Variants in RBMS3 observed in about 807,000 individuals in gnomAD.
RBMS3 encodes RNA binding motif single stranded interacting protein 3, also known as RNA-binding motif, single-stranded-interacting protein 3.
A neutral mutation model predicts 66.8 loss-of-function variants in RBMS3; 27 were observed. The observed-to-expected ratio is 0.40, with a 90% CI of 0.30 to 0.56. The LOEUF is 0.56. RBMS3 is among the 20% of genes least tolerant of loss of function. The pLI, the probability that RBMS3 is intolerant of heterozygous loss-of-function variation, is 0.40. For synonymous variants in RBMS3, 188 were observed against 183.0 expected, an observed-to-expected ratio of 1.03 and a Z score of -0.22; for missense variants, 513 against 549.5, an observed-to-expected ratio of 0.93 and a Z score of 0.66.
At chr3:29,503,353 T>C (rs925573617) in intron 3 of RBMS3, among the ~76,000 whole-genome samples, 1 of 152,142 alleles carries the variant, frequency 6.6e-6, no homozygotes, top group Admixed American at 6.6e-5. Flanking sequence ...TTGTCATTCA[T>C]TCCCTTCTGT....
chr3:29,441,263 G>T (rs2041610553), intron 2 of RBMS3, among the ~76,000 whole-genome samples: 1 of 152,118 alleles, frequency 6.6e-6, no homozygotes, highest in South Asian at 2.1e-4. Context: ...AATGGGTTAC[G>T]TATATTCATT....
At chr3:29,659,567 C>T (rs980505805) in intron 4 of RBMS3, among the ~76,000 whole-genome samples, 2 of 152,136 alleles carry the variant, frequency 1.3e-5, no homozygotes, top group Non-Finnish European at 2.9e-5. Flanking sequence ...GAATTTTCTT[C>T]CTATGGTTGA....
intron 8 of RBMS3, among the ~76,000 whole-genome samples, chr3:29,891,113 G>T (rs1323015363): frequency 6.6e-6 from 1 of 151,554 alleles, no homozygotes; most frequent in African/African-American, 2.4e-5. Flanking sequence ...CTGAGTTGTA[G>T]CTAGTAGGTT....
At chr3:29,995,367 C>A (rs1699153651) in intron 14 of RBMS3, among the ~76,000 whole-genome samples, 1 of 152,170 alleles carries the variant, frequency 6.6e-6, no homozygotes, top group Non-Finnish European at 1.5e-5. Flanking sequence ...AGAACTTCCC[C>A]CATCTAGCAA....
chr3:29,966,255 T>C (rs1577269218), intron 12 of RBMS3, among the ~76,000 whole-genome samples: 1 of 152,196 alleles, frequency 6.6e-6, no homozygotes. Context: ...GTGAAAATGA[T>C]GGTGGTATTC....
intron 4 of RBMS3, among the ~76,000 whole-genome samples, chr3:29,711,238 G>A (rs2053152024): frequency 6.6e-6 from 1 of 152,156 alleles, no homozygotes; most frequent in Admixed American, 6.5e-5. Flanking sequence ...TTATTGTACT[G>A]TACCTTAGGT....
chr3:29,658,708 G>A (rs1321536193), intron 4 of RBMS3, among the ~76,000 whole-genome samples: 1 of 152,214 alleles, frequency 6.6e-6, no homozygotes, highest in East Asian at 1.9e-4. Flanking sequence ...AATTATTATG[G>A]CCTAGGAATG....
chr3:29,897,417 T>C lies in RBMS3; in HGVS notation c.830T>C (p.Met277Thr), dbSNP rs2060148421. The change falls in exon 9 of 15, where the codon ATG becomes ACG. Residue 277 changes from methionine (M) to threonine (T), a missense_variant. Transcript: ENST00000383767. ...CCGTACAGTATTGCAACCAACCGCA[T>C]GATTCCACAGACATCTATCACGCCA... Reference protein sequence around the residue: ...SSPYSIATNRMIPQTSITPFI... With the variant: ...SSPYSIATNRTIPQTSITPFI... The C allele has an allele frequency of 1.2e-6, 2 of 1,611,158 alleles. No homozygotes were observed. Among genetic ancestry groups the C allele is most frequent in the South Asian group, 2.2e-5 (2 of 91,030 alleles).
chr3:29,348,702 G>A (rs66848395), intron 1 of RBMS3, among the ~76,000 whole-genome samples: 26,576 of 151,988 alleles, frequency 0.17, 2,428 homozygotes, highest in Admixed American at 0.23. Flanking sequence ...ACCAAAAATC[G>A]TAAACTCCCT....
intron 1 of RBMS3, among the ~76,000 whole-genome samples, chr3:29,307,625 C>T (rs568913314): frequency 1.2e-4 from 18 of 151,836 alleles, no homozygotes; most frequent in Admixed American, 2.6e-4. Flanking sequence ...AGATGAGAGA[C>T]GCTGTTTAGA....
intron 10 of RBMS3, among the ~76,000 whole-genome samples, chr3:29,934,316 A>G (rs1249014504): frequency 6.6e-6 from 1 of 152,040 alleles, no homozygotes; most frequent in Non-Finnish European, 1.5e-5. Flanking sequence ...GTTGAAAAAA[A>G]AAAATGCTTC....
chr3:29,872,728 C>G (rs976437000), intron 7 of RBMS3, among the ~76,000 whole-genome samples: 3 of 152,244 alleles, frequency 2.0e-5, no homozygotes, highest in South Asian at 4.2e-4. Context: ...GCATCATGAT[C>G]CAGCAAGAAT....
rs141338401 is a variant in RBMS3 at position 29,638,532 on chromosome 3, C to T, written c.399+51327C>T. Among the ~76,000 whole-genome samples, 641 of 151,888 alleles carry T rather than the reference C, an allele frequency of 4.2e-3. 8 individuals carry two copies. Among genetic ancestry groups the T allele is most frequent in the African/African-American group, 0.015 (616 of 41,496 alleles). On this transcript the variant is annotated intron_variant, in intron 4 of 14. Coordinates refer to ENST00000383767, the MANE Select transcript of RBMS3 (RefSeq NM_001003793.3). The stretch of plus-strand genomic sequence containing the variant: ...AATTACTTGATAGTTTATTCATCAC[C>T]ATCTTCTGTTACTTGGCAGAGCTCA...
At chr3:29,325,492 C>T (rs1335658084) in intron 1 of RBMS3, among the ~76,000 whole-genome samples, 4 of 150,422 alleles carry the variant, frequency 2.7e-5, no homozygotes, top group African/African-American at 9.8e-5. Context: ...AAAACTATCC[C>T]ATTAAATGCA....
intron 6 of RBMS3, among the ~76,000 whole-genome samples, chr3:29,840,590 T>C (rs549542582): frequency 7.9e-5 from 12 of 151,986 alleles, no homozygotes; most frequent in Non-Finnish European, 1.5e-4. Flanking sequence ...CTTAGTAGTT[T>C]TATGGAAAAA....
chr3:29,878,988 C>T (rs1395012920), intron 7 of RBMS3, among the ~76,000 whole-genome samples: 1 of 151,978 alleles, frequency 6.6e-6, no homozygotes, highest in African/African-American at 2.4e-5. Context: ...TTTGAAGTTA[C>T]AGTGAGCTAT....
intron 6 of RBMS3, among the ~76,000 whole-genome samples, chr3:29,775,689 A>G (rs1246830759): frequency 6.6e-6 from 1 of 152,052 alleles, no homozygotes; most frequent in Non-Finnish European, 1.5e-5. Context: ...TGTGAGTGCT[A>G]TTCACCATGT....
At chr3:29,461,935 TTTTTTTTTTTTTTTG>T (rs2042383328) in intron 2 of RBMS3, among the ~76,000 whole-genome samples, 1 of 138,760 alleles carries the variant, frequency 7.2e-6, no homozygotes, top group Admixed American at 7.7e-5. Context: ...TTTTTTTTTT[TTTTTTTTTTTTTTTG>T]TATTTTTAGT....
intron 3 of RBMS3, among the ~76,000 whole-genome samples, chr3:29,578,262 G>C (rs895276197): frequency 1.3e-5 from 2 of 152,138 alleles, no homozygotes; most frequent in African/African-American, 4.8e-5. Flanking sequence ...CCAAGGTCTA[G>C]GTGTAAGGGA....
Sources: gnomAD v4.1 joint callset for allele counts (sites outside exome capture counted in the v4.1 genomes callset) on GRCh38, gnomAD v4.1.1 for gene constraint, MANE v1.5 for transcripts, NCBI Gene and HGNC (gene_info 2026-07-23, HGNC 2026-07-21) for gene names.